UTP20: variants seen among roughly 807,000 people sequenced by gnomAD.
The protein encoded by UTP20 is small subunit processome component 20 homolog.
A neutral mutation model predicts 329.5 loss-of-function variants in UTP20; 164 were observed. That is an observed-to-expected ratio of 0.50 (90% confidence interval 0.44 to 0.57). UTP20 has a LOEUF of 0.57. UTP20 is among the 20% of genes least tolerant of loss of function. The pLI, the probability that UTP20 is intolerant of heterozygous loss-of-function variation, is 0.00. For missense variants in UTP20, 3,055 were observed against 3,284.2 expected (o/e 0.93, Z 1.71); for synonymous variants, 1,151 against 1,159.3 (o/e 0.99, Z 0.14).
At chr12:101,351,325 C>T (rs1869513756) in intron 38 of UTP20, among the ~76,000 whole-genome samples, 1 of 152,018 alleles carries the variant, frequency 6.6e-6, no homozygotes, top group East Asian at 1.9e-4. Context: ...TGGGGTTTCA[C>T]CATGTTGGTC....
chr12:101,355,047 A>T lies in UTP20; in HGVS notation c.5323A>T (p.Thr1775Ser), dbSNP rs1235823719. 1 of 1,614,220 alleles carries T rather than the reference A, an allele frequency of 6.2e-7. No individual in the cohort carries two copies. Among genetic ancestry groups the T allele is most frequent in the Admixed American group, 1.7e-5 (1 of 60,012 alleles). ...LPQNKEEIER[T>S]IKNIQGTITG... ...TCAAAACAAGGAAGAAATAGAGAGA[A>T]CAATTAAAAATATCCAAGGAACCAT... Residue 1775 changes from threonine to serine, a missense_variant, in exon 41 of 62, where the codon ACA becomes TCA. By Grantham distance (58) the Thr-to-Ser change is moderately conservative. Transcript: ENST00000261637.
Position 101,319,621 on chromosome 12 carries a change from G to C in UTP20, c.2815G>C (p.Glu939Gln), listed in dbSNP as rs778339439. The change falls in exon 23 of 62, where the codon GAG (glutamate) becomes CAG (glutamine). Residue 939 changes from glutamate (E) to glutamine (Q), a missense_variant. Around this residue, in one of 3 missense-constraint regions of UTP20, gnomAD observed 2,445 missense variants for 2,575.5 expected, o/e 0.95. Transcript: ENST00000261637. The part of the protein sequence containing the change: ...RALYLESKLY[E>Q]LYLQLLLHQD... ...CTTATATCTGGAATCCAAACTATAT[G>C]AGTTATATCTTCAGGTCAGTAAAAT... The C allele has an allele frequency of 3.7e-6, 6 of 1,603,288 alleles. No individual in the cohort carries two copies. The highest frequency in any genetic ancestry group is 5.1e-6 in the Non-Finnish European group (6 of 1,177,752).
Position 101,363,586 on chromosome 12 carries a change from A to G in UTP20, c.5801A>G (p.His1934Arg), listed in dbSNP as rs79904445. ...CLDIMIEIFN[H>R]ELFGAVAEEK... ...CTTTTTCTTCCAAAGATTTTTAACCATGAGTTGTTTGGTGCTGTTGCTGAA... is the reference window on the plus strand; with the variant it reads ...CTTTTTCTTCCAAAGATTTTTAACCGTGAGTTGTTTGGTGCTGTTGCTGAA... The change falls in exon 45 of 62, where the codon CAT becomes CGT. Residue 1934 changes from histidine to arginine, a missense_variant. By Grantham distance (29) the His-to-Arg change is conservative. This residue lies in a region of UTP20 where 2,445 missense variants were observed against 2,575.5 expected (regional missense o/e 0.95). Transcript: ENST00000261637. The G allele has an allele frequency of 1.1e-3, 1,708 of 1,612,046 alleles. 8 individuals carry two copies. In the African/African-American group the frequency reaches 0.016, roughly 15 times the overall value.
intron 45 of UTP20, among the ~76,000 whole-genome samples, chr12:101,364,035 G>T (rs144759337): frequency 6.6e-6 from 1 of 152,168 alleles, no homozygotes; most frequent in African/African-American, 2.4e-5. Flanking sequence ...CACACAAGCC[G>T]CATAGTGCTT....
In UTP20 at chr12:101,346,445, C is replaced by A; in HGVS notation, c.4747-6C>A. 6.3e-7 allele frequency: 1 copy of A among 1,585,634 alleles called. No homozygotes were observed. Among genetic ancestry groups the A allele is most frequent in the Non-Finnish European group, 8.5e-7 (1 of 1,170,168 alleles). ...GTAACTAATTCATATTTTATCTTAC[C>A]CATAGATCCACAGAAGAGCAAGAGC... On this transcript the variant is annotated splice_region_variant and splice_polypyrimidine_tract_variant and intron_variant, in intron 37 of 61. Transcript: ENST00000261637.
intron 2 of UTP20, among the ~76,000 whole-genome samples, chr12:101,283,074 TC>T (rs1488740925): frequency 6.6e-6 from 1 of 152,218 alleles, no homozygotes; most frequent in Non-Finnish European, 1.5e-5. Flanking sequence ...AATGATAGTG[TC>T]CAAAAGATGT....
chr12:101,317,990 G>A (rs1190353011), intron 22 of UTP20, among the ~76,000 whole-genome samples: 6 of 152,256 alleles, frequency 3.9e-5, no homozygotes, highest in South Asian at 2.1e-4. Flanking sequence ...CTTTCCCAGC[G>A]TGAGGGTATT....
chr12:101,347,246 A>G (rs1365471534), intron 38 of UTP20, among the ~76,000 whole-genome samples: 1 of 152,128 alleles, frequency 6.6e-6, no homozygotes, highest in East Asian at 1.9e-4. Flanking sequence ...AATGAGGTCA[A>G]GTGCAGTGGC....
At chr12:101,363,917 TC>T (rs1870013449) in intron 45 of UTP20, among the ~76,000 whole-genome samples, 174 bp downstream of exon 45, 1 of 151,980 alleles carries the variant, frequency 6.6e-6, no homozygotes, top group Non-Finnish European at 1.5e-5. Flanking sequence ...AAAATCATAG[TC>T]CCCTATGTAA....
At chr12:101,296,293 C>T (rs1219626414) in intron 12 of UTP20, among the ~76,000 whole-genome samples, 2 of 152,204 alleles carry the variant, frequency 1.3e-5, no homozygotes, top group Non-Finnish European at 2.9e-5. Context: ...CACTCCTGGC[C>T]AGGCGCGGTG....
intron 25 of UTP20, among the ~76,000 whole-genome samples, chr12:101,322,228 G>A (rs1280627309): frequency 6.6e-6 from 1 of 152,166 alleles, no homozygotes; most frequent in South Asian, 2.1e-4. Flanking sequence ...GACCTCAGGC[G>A]ATCCACCCGC....
chr12:101,319,677 T>G (rs746701364), intron 23 of UTP20, 42 bp downstream of exon 23: 3 of 1,495,072 alleles, frequency 2.0e-6, no homozygotes, highest in Non-Finnish European at 2.7e-6. Context: ...CTTTGTGAAC[T>G]TTTCTCTATC....
rs757231752 is a variant in UTP20, at chr12:101,308,186, A to T, written c.1997A>T (p.Asp666Val). The change falls in exon 18 of 62, where the codon GAT becomes GTT. Residue 666 changes from aspartate (D) to valine (V), a missense_variant and splice_region_variant. Around this residue, in one of 3 missense-constraint regions of UTP20, gnomAD observed 2,445 missense variants for 2,575.5 expected, o/e 0.95. Transcript: ENST00000261637. The part of the protein sequence containing the change: ...FDVQLPESME[D>V]DGLSERQSVF... ...CCATGGTTTTCTCTGGTTATTCAGG[A>T]TGATGGGCTCTCAGAGCGGCAGTCT... The T allele has an allele frequency of 4.4e-6, 7 of 1,604,526 alleles. No homozygotes were observed. In the South Asian group the frequency reaches 7.9e-5, roughly 18 times the overall value.
At chr12:101,284,849 T>C (rs1871909248) in intron 2 of UTP20, among the ~76,000 whole-genome samples, 1 of 152,176 alleles carries the variant, frequency 6.6e-6, no homozygotes, top group African/African-American at 2.4e-5. Context: ...TGTTCGTATG[T>C]ACAAACATTT....
chr12:101,314,726 A>G (rs563885797), intron 21 of UTP20, among the ~76,000 whole-genome samples: 2 of 152,000 alleles, frequency 1.3e-5, no homozygotes, highest in African/African-American at 4.8e-5. Flanking sequence ...CAGTTTTTGT[A>G]GTAAAAAAGA....
intron 43 of UTP20, among the ~76,000 whole-genome samples, chr12:101,358,200 G>A (rs777220451): frequency 5.3e-5 from 8 of 152,200 alleles, no homozygotes; most frequent in Non-Finnish European, 1.2e-4. Context: ...TAGATTTTTA[G>A]TAGTTGCTCT....
rs762834464 is a variant in UTP20, at chr12:101,329,224, C to T, written c.3209-17C>T. ...TATGTTACCTTACATGACCTCTCGT[C>T]CTCTTTGTTTCACTAGGAGAGTGCC... is the stretch of plus-strand genomic sequence containing the variant. On this transcript the variant is annotated splice_polypyrimidine_tract_variant and intron_variant, in intron 26 of 61. Transcript: ENST00000261637. The T allele has an allele frequency of 9.3e-6, 15 of 1,609,008 alleles. No individual in the cohort carries two copies. The highest frequency in any genetic ancestry group is 1.3e-5 in the Non-Finnish European group (15 of 1,175,884).
chr12:101,285,360 A>C (rs1871925725), intron 2 of UTP20, among the ~76,000 whole-genome samples: 1 of 152,186 alleles, frequency 6.6e-6, no homozygotes, highest in Non-Finnish European at 1.5e-5. Context: ...GCTGAAACCA[A>C]ATCAACAAAA....
At chr12:101,342,613 C>A in intron 33 of UTP20, 24 bp downstream of exon 33, 1 of 1,587,270 alleles carries the variant, frequency 6.3e-7, no homozygotes, top group Non-Finnish European at 8.5e-7. Context: ...ATTTTTACTC[C>A]AAATCACCCT....
Sources: gnomAD v4.1 joint callset for allele counts (sites outside exome capture counted in the v4.1 genomes callset) on GRCh38, gnomAD v4.1.1 for gene constraint, gnomAD v4.1.1 regional missense constraint, MANE v1.5 for transcripts, NCBI Gene and HGNC (gene_info 2026-07-23, HGNC 2026-07-21) for gene names.